Variants in SPRED2 observed in about 807,000 individuals in gnomAD.
SPRED2 encodes the protein sprouty-related, EVH1 domain-containing protein 2.
Under a neutral mutation model 43.0 loss-of-function variants are expected in SPRED2, and 47 were observed. That is an observed-to-expected ratio of 1.09 (90% CI 0.87 to 1.40). The LOEUF (loss-of-function observed/expected upper bound fraction) is 1.40. Ranked by LOEUF, SPRED2 falls within the 40% of genes most tolerant of loss-of-function variation. SPRED2 has a pLI of 0.00. For synonymous variants in SPRED2, 225 were observed against 225.7 expected (o/e 1.00, Z 0.03); for missense variants, 561 against 586.4 (o/e 0.96, Z 0.45).
At chr2:65,394,795 A>G (rs551210324) in intron 1 of SPRED2, among the ~76,000 whole-genome samples, 1 of 152,338 alleles carries the variant, frequency 6.6e-6, no homozygotes, top group Non-Finnish European at 1.5e-5. Flanking sequence ...TTGAATGCAA[A>G]GGACTAGATA....
chr2:65,317,534 CAACAACAACAACAACAACAACAACAAA>C (rs1673277704), intron 4 of SPRED2, among the ~76,000 whole-genome samples: 1 of 133,964 alleles, frequency 7.5e-6, no homozygotes, highest in Non-Finnish European at 1.5e-5. Context: ...ACAACAACAA[CAACAACAACAACAACAACAACAACAAA>C]AACAAAACAT....
At position 65,313,207 on chromosome 2, in the gene SPRED2, A is replaced by G. The variant is rs1410058891; in HGVS notation, c.*294T>C. The stretch of plus-strand genomic sequence containing the variant: ...AAATCAACACATGGATGAGACAGTT[A>G]GCTTGGTTACAGATTGTTAATAGTA... On this transcript the variant is annotated 3_prime_UTR_variant, in exon 6 of 6. Transcript: ENST00000356388. 1 of 1,120,178 alleles carries G rather than the reference A, an allele frequency of 8.9e-7. No homozygotes were observed. Among genetic ancestry groups the G allele is most frequent in the African/African-American group, 1.6e-5 (1 of 62,032 alleles). 69.4% of individuals were successfully genotyped at this position (1,120,178 alleles called of 1,614,324 possible).
chr2:65,391,951 A>T (rs992444256), intron 1 of SPRED2, among the ~76,000 whole-genome samples: 1 of 152,134 alleles, frequency 6.6e-6, no homozygotes, highest in Non-Finnish European at 1.5e-5. Flanking sequence ...AGTCAACTAT[A>T]TATTTCTTTT....
chr2:65,316,394 G>A (rs1436453016), intron 5 of SPRED2, among the ~76,000 whole-genome samples: 2 of 152,220 alleles, frequency 1.3e-5, no homozygotes, highest in African/African-American at 4.8e-5. Context: ...GTGAGAACAG[G>A]CTTGGATTTG....
chr2:65,401,678 T>C (rs2103725195), intron 1 of SPRED2, among the ~76,000 whole-genome samples: 1 of 151,732 alleles, frequency 6.6e-6, no homozygotes, highest in East Asian at 2.0e-4. Flanking sequence ...GGCGCGCCTG[T>C]AGTCCCAGCC....
chr2:65,316,961 A>T, intron 4 of SPRED2, 78 bp from the exon 5 acceptor site: 1 of 1,430,668 alleles, frequency 7.0e-7, no homozygotes, highest in Non-Finnish European at 9.6e-7. Flanking sequence ...GACATGCACT[A>T]TTCAAATACT....
At chr2:65,428,728 G>A (rs193101672) in intron 1 of SPRED2, among the ~76,000 whole-genome samples, 136 of 152,326 alleles carry the variant, frequency 8.9e-4, no homozygotes, top group Non-Finnish European at 6.3e-4. Flanking sequence ...GTTCATGAAA[G>A]GAACAAAAGA....
chr2:65,328,432 C>A (rs919657371), intron 4 of SPRED2, among the ~76,000 whole-genome samples: 1 of 152,168 alleles, frequency 6.6e-6, no homozygotes, highest in Non-Finnish European at 1.5e-5. Flanking sequence ...CATTCTGGGA[C>A]AGCAGAGTGT....
chr2:65,357,572 G>C (rs1309630394), intron 1 of SPRED2, among the ~76,000 whole-genome samples: 1 of 152,192 alleles, frequency 6.6e-6, no homozygotes, highest in African/African-American at 2.4e-5. Context: ...GCAGAAGTGC[G>C]CATATTCAAG....
intron 1 of SPRED2, among the ~76,000 whole-genome samples, chr2:65,408,636 C>G (rs559520042): frequency 6.6e-6 from 1 of 151,550 alleles, no homozygotes; most frequent in Admixed American, 6.6e-5. Flanking sequence ...GTCACCTAGG[C>G]TGGAGTGCAG....
chr2:65,388,434 C>T (rs1572887609), intron 1 of SPRED2, among the ~76,000 whole-genome samples: 1 of 152,192 alleles, frequency 6.6e-6, no homozygotes, highest in Non-Finnish European at 1.5e-5. Flanking sequence ...GCTAAAGTAC[C>T]TGCTCCTACT....
At chr2:65,408,245 GAC>G (rs1298203846) in intron 1 of SPRED2, among the ~76,000 whole-genome samples, 2 of 152,238 alleles carry the variant, frequency 1.3e-5, no homozygotes, top group Non-Finnish European at 2.9e-5. Flanking sequence ...AAACATGTCA[GAC>G]ACTGCTGCGG....
chr2:65,312,202 A>G lies in SPRED2; in HGVS notation c.*1299T>C. ...GGCGACAGGCAGAACCAGTTGGCTG[A>G]CCTAACCACCTGTGCACCCAAAGTG... On this transcript the variant is annotated 3_prime_UTR_variant, in exon 6 of 6. Transcript: ENST00000356388. 1.0e-6 allele frequency: 1 copy of G among 985,748 alleles called. No individual in the cohort carries two copies. Among genetic ancestry groups the G allele is most frequent in the Non-Finnish European group, 1.2e-6 (1 of 829,940 alleles). 61.1% of individuals were successfully genotyped at this position (985,748 alleles called of 1,614,324 possible). A position where few individuals can be genotyped will look rare whatever the true frequency, so the allele number is the denominator to read the frequency against.
At chr2:65,344,644 GAAAGAGGACT>G in intron 2 of SPRED2, 65 bp downstream of exon 2, 1 of 1,548,324 alleles carries the variant, frequency 6.5e-7, no homozygotes, top group Non-Finnish European at 8.9e-7. Flanking sequence ...ATACGTTAAG[GAAAGAGGACT>G]ATGATTTAAC....
chr2:65,315,256 T>C (rs1485862481), intron 5 of SPRED2, among the ~76,000 whole-genome samples: 1 of 148,020 alleles, frequency 6.8e-6, no homozygotes. Flanking sequence ...TGACATTTTC[T>C]AGCTAGTACC....
chr2:65,402,297 A>C (rs1003682552), intron 1 of SPRED2, among the ~76,000 whole-genome samples: 5 of 151,394 alleles, frequency 3.3e-5, no homozygotes, highest in South Asian at 2.1e-4. Context: ...AAAAAAAAAA[A>C]AAAAAAAACC....
intron 5 of SPRED2, among the ~76,000 whole-genome samples, chr2:65,315,155 T>G (rs544781791): frequency 2.0e-5 from 3 of 152,052 alleles, no homozygotes; most frequent in African/African-American, 7.3e-5. Flanking sequence ...GGCAGAGAAC[T>G]GAGACTTCTT....
intron 1 of SPRED2, among the ~76,000 whole-genome samples, chr2:65,348,917 A>T (rs766473497): frequency 1.5e-4 from 23 of 152,252 alleles, no homozygotes; most frequent in Non-Finnish European, 2.2e-4. Context: ...AAAAATTGAA[A>T]AATCATGTAG....
At chr2:65,383,541 G>C (rs553587415) in intron 1 of SPRED2, among the ~76,000 whole-genome samples, 1 of 152,302 alleles carries the variant, frequency 6.6e-6, no homozygotes, top group South Asian at 2.1e-4. Context: ...ACATGGAGGA[G>C]GGAGGCTGAG....
Sources: allele counts gnomAD v4.1 joint callset (sites outside exome capture counted in the v4.1 genomes callset), GRCh38; gene constraint gnomAD v4.1.1; transcripts MANE v1.5; gene names NCBI Gene and HGNC (gene_info 2026-07-23, HGNC 2026-07-21).